ZSCAN5A: variants seen among roughly 807,000 people sequenced by gnomAD.
ZSCAN5A encodes the protein zinc finger and SCAN domain containing 5A.
ZSCAN5A carries 12 observed loss-of-function variants against 23.7 expected under a neutral mutation model. The ratio of observed to expected loss-of-function variants is 0.51; its 90% CI spans 0.32 to 0.82. ZSCAN5A has a LOEUF of 0.82. Among genes scored for constraint, ZSCAN5A ranks in the 40% least tolerant of loss-of-function variants. The pLI is 0.03. For synonymous variants in ZSCAN5A, 257 were observed against 239.9 expected (o/e 1.07, Z -0.66); for missense variants, 597 against 617.9 (o/e 0.97, Z 0.36).
intron 2 of ZSCAN5A, among the ~76,000 whole-genome samples, chr19:56,287,927 C>T (rs2039248304): frequency 6.6e-6 from 1 of 152,228 alleles, no homozygotes; most frequent in African/African-American, 2.4e-5. Context: ...CAGGACACTT[C>T]CAGTGTTAGC....
At chr19:56,264,541 A>G (rs1388200773) in intron 2 of ZSCAN5A, among the ~76,000 whole-genome samples, 1 of 152,228 alleles carries the variant, frequency 6.6e-6, no homozygotes, top group Non-Finnish European at 1.5e-5. Context: ...AATCAAGGTA[A>G]GATGAGGAAG....
chr19:56,252,538 C>T lies in ZSCAN5A; in HGVS notation c.-127-27365G>A, dbSNP rs568721140. 8.5e-5 allele frequency among the ~76,000 whole-genome samples: 13 copies of T among 152,174 alleles called. No individual in the cohort carries two copies. The South Asian group carries it at 2.7e-3, about 32-fold the overall frequency. ...GGTTTGGGGTTGGGGTTTTATGGTG[C>T]TTAGGGGATGGGCCACAGCCAGGGG... is the stretch of plus-strand genomic sequence containing the variant. On this transcript the variant is annotated intron_variant, in intron 2 of 5. Transcript: ENST00000683990.
chr19:56,366,718 C>G (rs1168687590), intron 1 of ZSCAN5A, among the ~76,000 whole-genome samples: 1 of 152,182 alleles, frequency 6.6e-6, no homozygotes, highest in Non-Finnish European at 1.5e-5. Context: ...CAGAGAGGCC[C>G]TAAGCTGCAT....
intron 2 of ZSCAN5A, among the ~76,000 whole-genome samples, chr19:56,309,846 TGAG>T (rs1223083791): frequency 6.6e-6 from 1 of 152,134 alleles, no homozygotes; most frequent in South Asian, 2.1e-4. Flanking sequence ...AGCCCTGCTC[TGAG>T]GAGGAGACAC....
chr19:56,323,146 G>A (rs1177698216), intron 2 of ZSCAN5A, among the ~76,000 whole-genome samples: 6 of 151,748 alleles, frequency 4.0e-5, no homozygotes, highest in East Asian at 3.9e-4. Flanking sequence ...CACCTGCCTC[G>A]GCCTCCCAAA....
chr19:56,230,470 T>TA (rs2034361021), intron 2 of ZSCAN5A, among the ~76,000 whole-genome samples: 1 of 152,196 alleles, frequency 6.6e-6, no homozygotes, highest in African/African-American at 2.4e-5. Flanking sequence ...CCAAGCTAGT[T>TA]AACATCTCCA....
chr19:56,301,478 G>A (rs1471158621), intron 2 of ZSCAN5A, among the ~76,000 whole-genome samples: 1 of 152,090 alleles, frequency 6.6e-6, no homozygotes, highest in African/African-American at 2.4e-5. Context: ...CACTTGAATC[G>A]CTATCTTGGT....
At chr19:56,349,369 T>C (rs2041653220) in intron 2 of ZSCAN5A, among the ~76,000 whole-genome samples, 1 of 152,018 alleles carries the variant, frequency 6.6e-6, no homozygotes, top group Admixed American at 6.5e-5. Context: ...CCCCTGACGG[T>C]CCAGAGGAAT....
intron 2 of ZSCAN5A, among the ~76,000 whole-genome samples, chr19:56,239,709 A>G (rs892265492): frequency 6.6e-5 from 10 of 152,240 alleles, no homozygotes; most frequent in Admixed American, 6.5e-4. Context: ...TATATCAGCA[A>G]TGACTGTATT....
rs114851011 is a variant in ZSCAN5A at position 56,288,434 on chromosome 19, G to A, written c.-128+24849C>T. Among the ~76,000 whole-genome samples the A allele has an allele frequency of 3.5e-3, 530 of 152,192 alleles. 8 individuals carry two copies. Among genetic ancestry groups the A allele is most frequent in the African/African-American group, 0.012 (500 of 41,538 alleles). ...TCAAGATGCCTCCCCTGGTGTCCCC[G>A]CAAGGTTAGCAACCATCACCCCCTT... On this transcript the variant is annotated intron_variant, in intron 2 of 5. Coordinates refer to ENST00000683990, the MANE Select transcript of ZSCAN5A (RefSeq NM_001322064.3).
rs756356708 is a variant in ZSCAN5A at position 56,231,996 on chromosome 19, C to CTTTCTTTTTT, written c.-127-6824_-127-6823insAAAAAAGAAA. On this transcript the variant is annotated intron_variant, in intron 2 of 5. Transcript: ENST00000683990. ...TCTTTTTTCTTTCTTTTTTTCTTTT[C>CTTTCTTTTTT]TTTTTTTTTGAGACAGTGTCTTGCT... Among the ~76,000 whole-genome samples the CTTTCTTTTTT allele has an allele frequency of 1.1e-3, 132 of 124,974 alleles. 2 individuals carry two copies. The highest frequency in any genetic ancestry group is 1.6e-3 in the Non-Finnish European group (96 of 60,922). The allele number at this position is 124,974 out of a possible 152,430, so 82.0% of individuals were successfully genotyped here.
At chr19:56,296,715 G>A (rs1451474885) in intron 2 of ZSCAN5A, among the ~76,000 whole-genome samples, 1 of 152,088 alleles carries the variant, frequency 6.6e-6, no homozygotes, top group African/African-American at 2.4e-5. Context: ...ATAGAGTAAT[G>A]GGGATGGAAA....
chr19:56,339,211 A>AAGCAATGTAGCCGTATTT (rs1204310742), intron 2 of ZSCAN5A, among the ~76,000 whole-genome samples: 2 of 152,268 alleles, frequency 1.3e-5, no homozygotes, highest in African/African-American at 4.8e-5. Flanking sequence ...AAGCCACTGT[A>AAGCAATGTAGCCGTATTT]AGCAATATGC....
intron 2 of ZSCAN5A, among the ~76,000 whole-genome samples, chr19:56,349,087 C>T (rs1365741657): frequency 6.6e-6 from 1 of 152,210 alleles, no homozygotes; most frequent in Non-Finnish European, 1.5e-5. Flanking sequence ...AAGGATAAAA[C>T]TTATCCATGT....
chr19:56,364,642 G>A (rs2041754115), intron 1 of ZSCAN5A, among the ~76,000 whole-genome samples: 1 of 152,180 alleles, frequency 6.6e-6, no homozygotes, highest in Non-Finnish European at 1.5e-5. Context: ...TGTTCATACA[G>A]CTTTATTCAC....
At chr19:56,326,966 T>TCA (rs1384706648) in intron 2 of ZSCAN5A, among the ~76,000 whole-genome samples, 2 of 152,168 alleles carry the variant, frequency 1.3e-5, no homozygotes, top group African/African-American at 4.8e-5. Flanking sequence ...CAGTGCTATA[T>TCA]GCTGACCCAC....
intron 2 of ZSCAN5A, among the ~76,000 whole-genome samples, chr19:56,355,709 T>G (rs2041696978): frequency 6.7e-6 from 1 of 148,924 alleles, no homozygotes; most frequent in African/African-American, 2.5e-5. Flanking sequence ...AAGCGCAGTT[T>G]GTGTGTGTTT....
intron 2 of ZSCAN5A, among the ~76,000 whole-genome samples, chr19:56,330,712 T>G (rs549737214): frequency 2.2e-4 from 33 of 152,214 alleles, no homozygotes; most frequent in Non-Finnish European, 3.2e-4. Context: ...TTACTTTTTA[T>G]GTTGATTCTG....
At chr19:56,319,338 A>C (rs535056514), upstream of ZSCAN5A, among the ~76,000 whole-genome samples, 1 of 151,966 alleles carries the variant, frequency 6.6e-6, no homozygotes, top group East Asian at 1.9e-4. Flanking sequence ...TCTACTAAAA[A>C]TACAAAAATT....
Sources: allele counts gnomAD v4.1 joint callset (sites outside exome capture counted in the v4.1 genomes callset), GRCh38; gene constraint gnomAD v4.1.1; transcripts MANE v1.5; gene names NCBI Gene and HGNC (gene_info 2026-07-23, HGNC 2026-07-21).